The following FILIP1L variants were observed in gnomAD, a reference collection of about 807,000 sequenced individuals.
The protein encoded by FILIP1L is filamin A-interacting protein 1-like.
In FILIP1L, 55 loss-of-function variants were observed where a neutral mutation model predicts 96.6. The ratio of observed to expected loss-of-function variants is 0.57; its 90% CI spans 0.46 to 0.71. FILIP1L has a LOEUF of 0.71. FILIP1L is among the 30% of genes least tolerant of loss of function. The probability of loss-of-function intolerance (pLI) is 0.00; values close to 1 mark genes in which losing one functional copy is unlikely to be tolerated. For synonymous variants in FILIP1L, 467 were observed against 473.9 expected, an observed-to-expected ratio of 0.99 and a Z score of 0.19; for missense variants, 1,304 against 1,321.2, an observed-to-expected ratio of 0.99 and a Z score of 0.20.
chr3:100,012,588 G>C (rs1710189896), intron 1 of FILIP1L, among the ~76,000 whole-genome samples: 1 of 151,896 alleles, frequency 6.6e-6, no homozygotes, highest in South Asian at 2.1e-4. Context: ...TGCTTCAGGA[G>C]GATTTCAGAT....
chr3:100,064,358 G>A (rs891672616), intron 1 of FILIP1L, among the ~76,000 whole-genome samples: 4 of 151,474 alleles, frequency 2.6e-5, no homozygotes, highest in Non-Finnish European at 4.4e-5. Flanking sequence ...CCAGTCCCAC[G>A]GCCTCTCTTT....
At chr3:99,995,010 C>T (rs1462323812) in intron 1 of FILIP1L, among the ~76,000 whole-genome samples, 3 of 152,132 alleles carry the variant, frequency 2.0e-5, no homozygotes, top group Non-Finnish European at 4.4e-5. Flanking sequence ...AATCTCATGT[C>T]CTCACATTTC....
chr3:99,885,995 C>G (rs1429602852), intron 4 of FILIP1L, among the ~76,000 whole-genome samples: 1 of 152,160 alleles, frequency 6.6e-6, no homozygotes. Context: ...AAAAATCCAC[C>G]TTTGTTGATA....
rs1942597630 is a variant in FILIP1L at position 99,829,217 on chromosome 3, T to G, written c.*1197A>C. 8.1e-6 allele frequency among the ~76,000 whole-genome samples: 1 copy of G among 124,172 alleles called. No individual in the cohort carries two copies. Among genetic ancestry groups the G allele is most frequent in the Non-Finnish European group, 1.8e-5 (1 of 55,484 alleles). The allele number at this position is 124,172 out of a possible 152,430, so 81.5% of individuals were successfully genotyped here. ...GAAGGATCACAAAAAATGTTTAGTG[T>G]CGTTCCATTGATTTTTTTCCCCCCT... On this transcript the variant is annotated 3_prime_UTR_variant, in exon 6 of 6. Transcript: ENST00000477258.
chr3:99,994,102 TTTG>T (rs1009669030), intron 1 of FILIP1L, among the ~76,000 whole-genome samples: 21 of 152,322 alleles, frequency 1.4e-4, no homozygotes, highest in Middle Eastern at 3.4e-3. Context: ...TCTTGTGCTT[TTTG>T]TTGTTGTTGT....
intron 4 of FILIP1L, among the ~76,000 whole-genome samples, chr3:99,894,765 C>G (rs1427964976): frequency 2.0e-5 from 3 of 152,122 alleles, no homozygotes; most frequent in African/African-American, 7.2e-5. Flanking sequence ...ATTTAGGTAA[C>G]TGTGATAGTA....
At chr3:99,977,619 T>G (rs1427396261) in intron 1 of FILIP1L, among the ~76,000 whole-genome samples, 2 of 152,184 alleles carry the variant, frequency 1.3e-5, no homozygotes, top group Admixed American at 1.3e-4. Flanking sequence ...ATTAGTTGAT[T>G]TTTTTAGTAT....
intron 4 of FILIP1L, among the ~76,000 whole-genome samples, chr3:99,870,976 G>A (rs1262412161): frequency 6.6e-6 from 1 of 152,122 alleles, no homozygotes; most frequent in Non-Finnish European, 1.5e-5. Context: ...ATGCCCCCGG[G>A]TGACTCACCT....
chr3:100,028,020 G>C (rs147375268), intron 1 of FILIP1L, among the ~76,000 whole-genome samples: 1 of 152,254 alleles, frequency 6.6e-6, no homozygotes, highest in East Asian at 1.9e-4. Context: ...CTGAAATGAT[G>C]GGGTTGGATT....
chr3:100,086,947 T>C lies in FILIP1L; in HGVS notation c.-11+27106A>G, dbSNP rs574841269. Among the ~76,000 whole-genome samples, 44 of 152,336 alleles carry C rather than the reference T, an allele frequency of 2.9e-4. No homozygotes were observed. The South Asian group carries it at 3.1e-3, about 11-fold the overall frequency. On this transcript the variant is annotated intron_variant, in intron 1 of 5. Coordinates refer to ENST00000477258, the MANE Select transcript of FILIP1L (RefSeq NM_001387850.1). ...TACCTTTTCCTGAATGTCATATAAA[T>C]GGAATCACAGTATTTTGAATCTGGT...
intron 1 of FILIP1L, among the ~76,000 whole-genome samples, chr3:99,953,580 A>G (rs1182529490): frequency 6.6e-6 from 1 of 152,190 alleles, no homozygotes; most frequent in Non-Finnish European, 1.5e-5. Flanking sequence ...ATTTTTAAAG[A>G]ATTCAATAAA....
chr3:99,931,391 A>C (rs899533967), intron 1 of FILIP1L, among the ~76,000 whole-genome samples: 1 of 152,156 alleles, frequency 6.6e-6, no homozygotes, highest in Non-Finnish European at 1.5e-5. Flanking sequence ...ACATAATTAT[A>C]ATATTGTAAA....
intron 1 of FILIP1L, among the ~76,000 whole-genome samples, chr3:99,962,550 G>A (rs144464980): frequency 5.9e-5 from 9 of 152,294 alleles, no homozygotes; most frequent in South Asian, 2.1e-4. Context: ...AGAAGAGGAA[G>A]AGATAATATT....
chr3:99,902,561 C>A (rs1193113011), intron 4 of FILIP1L, among the ~76,000 whole-genome samples: 1 of 152,152 alleles, frequency 6.6e-6, no homozygotes, highest in African/African-American at 2.4e-5. Context: ...GTAATTCAAA[C>A]TATATCTGAA....
rs148152487 is a variant in FILIP1L, at chr3:99,871,155, T to C, written c.606-20085A>G. ...CTTAAGCTGAGCCTAACTTGGTTTC[T>C]AGTTAAGTTCACTGCCTTGACTTAA... On this transcript the variant is annotated intron_variant, in intron 4 of 5. Transcript: ENST00000477258. Among the ~76,000 whole-genome samples the C allele has an allele frequency of 4.6e-3, 695 of 152,346 alleles. 2 individuals are homozygous for C. Among genetic ancestry groups the C allele is most frequent in the South Asian group, 7.0e-3 (34 of 4,828 alleles).
intron 1 of FILIP1L, among the ~76,000 whole-genome samples, chr3:99,944,532 T>C (rs531240369): frequency 9.2e-5 from 14 of 152,326 alleles, no homozygotes; most frequent in African/African-American, 3.1e-4. Flanking sequence ...ACTAAATCGT[T>C]AGGCACTGAA....
chr3:100,009,496 C>T (rs1710081938), intron 1 of FILIP1L, among the ~76,000 whole-genome samples: 1 of 150,688 alleles, frequency 6.6e-6, no homozygotes, highest in South Asian at 2.1e-4. Context: ...CATAGGCAAG[C>T]ACGGTATAGG....
At chr3:100,099,548 T>C (rs1158259464) in intron 1 of FILIP1L, among the ~76,000 whole-genome samples, 3 of 152,218 alleles carry the variant, frequency 2.0e-5, no homozygotes, top group Non-Finnish European at 4.4e-5. Flanking sequence ...TATCCTTAAC[T>C]AAGTCATTTA....
intron 1 of FILIP1L, among the ~76,000 whole-genome samples, chr3:100,070,771 A>G (rs1362472349): frequency 1.3e-5 from 2 of 152,174 alleles, no homozygotes; most frequent in African/African-American, 2.4e-5. Context: ...AGCTGGGATT[A>G]AAGGCATGTG....
Sources: allele counts gnomAD v4.1 joint callset (sites outside exome capture counted in the v4.1 genomes callset), GRCh38; gene constraint gnomAD v4.1.1; transcripts MANE v1.5; gene names NCBI Gene and HGNC (gene_info 2026-07-23, HGNC 2026-07-21).